The following MEMO1 variants were observed in gnomAD, a reference collection of about 807,000 sequenced individuals.
The protein encoded by MEMO1 is protein MEMO1.
A neutral mutation model predicts 45.2 loss-of-function variants in MEMO1; 6 were observed. The ratio of observed to expected loss-of-function variants is 0.13; its 90% CI spans 0.07 to 0.26. MEMO1 has a LOEUF of 0.26. MEMO1 is among the 10% of genes least tolerant of loss of function. The probability of loss-of-function intolerance (pLI) is 1.00; values close to 1 mark genes in which losing one functional copy is unlikely to be tolerated. For synonymous variants in MEMO1, 78 were observed against 124.3 expected, an observed-to-expected ratio of 0.63 and a Z score of 2.48; for missense variants, 184 against 370.5, an observed-to-expected ratio of 0.50 and a Z score of 4.13.
At chr2:31,906,518 T>C (rs1163885678) in intron 6 of MEMO1, among the ~76,000 whole-genome samples, 1 of 151,832 alleles carries the variant, frequency 6.6e-6, no homozygotes, top group East Asian at 1.9e-4. Flanking sequence ...ACAGATGGGG[T>C]TTCACCATGT....
intron 6 of MEMO1, among the ~76,000 whole-genome samples, chr2:31,915,149 C>CA (rs1219539550): frequency 1.3e-5 from 2 of 151,618 alleles, no homozygotes; most frequent in Non-Finnish European, 2.9e-5. Flanking sequence ...CCCACTTCTC[C>CA]AAAAAAAGAG....
At chr2:31,895,882 GC>G (rs1471296641) in intron 6 of MEMO1, among the ~76,000 whole-genome samples, 3 of 123,890 alleles carry the variant, frequency 2.4e-5, no homozygotes, top group African/African-American at 9.6e-5. Context: ...TCTCGCTGTC[GC>G]CCAGGCTGGA....
chr2:31,896,831 T>A (rs1677900214), intron 6 of MEMO1, among the ~76,000 whole-genome samples: 1 of 152,108 alleles, frequency 6.6e-6, no homozygotes, highest in Non-Finnish European at 1.5e-5. Flanking sequence ...AAAATAAAAA[T>A]TGGGCAAAAA....
chr2:31,953,700 G>A (rs1012930302), intron 2 of MEMO1, among the ~76,000 whole-genome samples: 2 of 151,832 alleles, frequency 1.3e-5, no homozygotes, highest in African/African-American at 2.4e-5. Context: ...CAAATGATCC[G>A]CCCACCTTGG....
chr2:31,952,970 G>A (rs1325913767), intron 2 of MEMO1, among the ~76,000 whole-genome samples: 1 of 152,098 alleles, frequency 6.6e-6, no homozygotes, highest in African/African-American at 2.4e-5. Flanking sequence ...ATGGATCACT[G>A]TTTCCTTAAA....
chr2:31,957,262 T>C (rs1381040915), intron 2 of MEMO1, among the ~76,000 whole-genome samples: 1 of 152,092 alleles, frequency 6.6e-6, no homozygotes, highest in Non-Finnish European at 1.5e-5. Flanking sequence ...ACTACGTACA[T>C]GTATTATCTA....
At chr2:31,886,016 G>C (rs978976251) in intron 7 of MEMO1, among the ~76,000 whole-genome samples, 1 of 152,186 alleles carries the variant, frequency 6.6e-6, no homozygotes, top group Non-Finnish European at 1.5e-5. Flanking sequence ...AGGAAAAAAA[G>C]AGGAAATGTT....
chr2:31,895,867 C>T lies in MEMO1; in HGVS notation c.438-3733G>A, dbSNP rs569821973. ...TTTTTTTTTTTTTTTTTTTTTGAGA[C>T]GGAGTCTCGCTGTCGCCCAGGCTGG... On this transcript the variant is annotated intron_variant, in intron 6 of 9. Transcript: ENST00000404530. Among the ~76,000 whole-genome samples, 392 of 105,126 alleles carry T rather than the reference C, an allele frequency of 3.7e-3. 1 individual carries two copies. Among genetic ancestry groups the T allele is most frequent in the African/African-American group, 0.014 (372 of 26,732 alleles). 69.0% of individuals were successfully genotyped at this position (105,126 alleles called of 152,430 possible).
At chr2:31,989,168 C>T (rs893420723) in intron 2 of MEMO1, among the ~76,000 whole-genome samples, 9 of 150,056 alleles carry the variant, frequency 6.0e-5, no homozygotes, top group Admixed American at 4.0e-4. Flanking sequence ...CCAAAGGCTG[C>T]GGTGAGCCAA....
At chr2:31,868,572 C>A in intron 9 of MEMO1, 80 bp from the exon 10 acceptor site, 1 of 1,342,098 alleles carries the variant, frequency 7.5e-7, no homozygotes, top group South Asian at 1.9e-5. Context: ...TTGACTTTGT[C>A]CACTTCACAG....
intron 2 of MEMO1, among the ~76,000 whole-genome samples, chr2:31,985,935 C>A (rs751021321): frequency 1.6e-4 from 24 of 152,008 alleles, no homozygotes; most frequent in Non-Finnish European, 1.8e-4. Flanking sequence ...TCAAGACCAG[C>A]CTGATCAACA....
intron 4 of MEMO1, among the ~76,000 whole-genome samples, chr2:31,931,525 T>TA: frequency 6.6e-6 from 1 of 151,886 alleles, no homozygotes; most frequent in Non-Finnish European, 1.5e-5. Context: ...AGTATACTAT[T>TA]AAAAGAGTCT....
At chr2:31,965,869 C>T (rs1359300844) in intron 2 of MEMO1, among the ~76,000 whole-genome samples, 2 of 152,084 alleles carry the variant, frequency 1.3e-5, no homozygotes, top group African/African-American at 4.8e-5. Flanking sequence ...GCATGCCGGG[C>T]TTAATACCGA....
intron 2 of MEMO1, among the ~76,000 whole-genome samples, chr2:32,001,032 ATTTTT>A (rs66617379): frequency 2.9e-5 from 3 of 104,558 alleles, no homozygotes; most frequent in Admixed American, 1.1e-4. Context: ...ATAAATTTTG[ATTTTT>A]TTTTTTTTTT....
At chr2:31,906,560 T>C (rs1483730044) in intron 6 of MEMO1, among the ~76,000 whole-genome samples, 3 of 152,054 alleles carry the variant, frequency 2.0e-5, no homozygotes, top group Admixed American at 6.6e-5. Context: ...CCTGACCTCA[T>C]GATCCGCCCA....
chr2:31,940,504 C>A (rs183623142), intron 3 of MEMO1, among the ~76,000 whole-genome samples: 15 of 152,270 alleles, frequency 9.9e-5, no homozygotes, highest in Non-Finnish European at 5.9e-5. Flanking sequence ...CAGGACAAAA[C>A]ATAAGAATCA....
rs565665707 is a variant in MEMO1, at chr2:31,891,972, T to A, written c.580+20A>T. The stretch of plus-strand genomic sequence containing the variant: ...GAAGTATATAACATCTACCATGATA[T>A]GTTAAAATCTAGAACTTACCCCAAT... On this transcript the variant is annotated intron_variant, in intron 7 of 9. Transcript: ENST00000404530. The A allele has an allele frequency of 9.4e-6, 15 of 1,603,270 alleles. No individual in the cohort carries two copies. In the Admixed American group the frequency reaches 2.4e-4, roughly 25 times the overall value.
At chr2:31,886,232 C>A (rs1317670427) in intron 7 of MEMO1, among the ~76,000 whole-genome samples, 2 of 152,184 alleles carry the variant, frequency 1.3e-5, no homozygotes, top group East Asian at 3.9e-4. Context: ...CATATAGCTA[C>A]TACACTGAAT....
chr2:31,959,493 T>G, intron 2 of MEMO1, among the ~76,000 whole-genome samples: 1 of 147,502 alleles, frequency 6.8e-6, no homozygotes, highest in Non-Finnish European at 1.5e-5. Flanking sequence ...ATAAGCACAA[T>G]GAGAACTGAA....
Sources: gnomAD v4.1 joint callset for allele counts (sites outside exome capture counted in the v4.1 genomes callset) on GRCh38, gnomAD v4.1.1 for gene constraint, MANE v1.5 for transcripts, NCBI Gene and HGNC (gene_info 2026-07-23, HGNC 2026-07-21) for gene names.